The following TXLNB variants were observed in gnomAD, a reference collection of about 807,000 sequenced individuals.
TXLNB encodes the protein beta-taxilin.
Under a neutral mutation model 57.4 loss-of-function variants are expected in TXLNB, and 37 were observed. The ratio of observed to expected loss-of-function variants is 0.64; its 90% CI spans 0.50 to 0.85. The LOEUF (loss-of-function observed/expected upper bound fraction) is 0.85. TXLNB is among the 40% of genes least tolerant of loss of function. TXLNB has a pLI of 0.00. For synonymous variants in TXLNB, 302 were observed against 309.6 expected (o/e 0.98, Z 0.26); for missense variants, 848 against 825.6 (o/e 1.03, Z -0.33).
the TXLNB span, among the ~76,000 whole-genome samples, chr6:139,321,870 G>A: frequency 1.3e-5 from 2 of 151,938 alleles, no homozygotes; most frequent in South Asian, 4.2e-4. Context: ...CTGACCTCGT[G>A]ATCCGCCTGC....
chr6:139,261,251 A>G (rs934118053), intron 5 of TXLNB, among the ~76,000 whole-genome samples: 2 of 152,214 alleles, frequency 1.3e-5, no homozygotes, highest in South Asian at 4.1e-4. Context: ...TCTGAAGAAT[A>G]TGGACATTTT....
chr6:139,159,611 C>T, the TXLNB span, among the ~76,000 whole-genome samples: 1 of 152,160 alleles, frequency 6.6e-6, no homozygotes, highest in African/African-American at 2.4e-5. Flanking sequence ...GCTGCCTCCC[C>T]AGCAGCTGGG....
the TXLNB span, among the ~76,000 whole-genome samples, chr6:139,164,318 G>T: frequency 1.3e-5 from 2 of 152,048 alleles, no homozygotes; most frequent in African/African-American, 4.8e-5. Context: ...GTTCCCAATT[G>T]GGAGAGTAGT....
At chr6:139,228,914 C>T in the TXLNB span, among the ~76,000 whole-genome samples, 1 of 152,324 alleles carries the variant, frequency 6.6e-6, no homozygotes, top group African/African-American at 2.4e-5. Context: ...GGAGCTGCCA[C>T]TGTCTTTGAA....
chr6:139,231,152 C>A, the TXLNB span, among the ~76,000 whole-genome samples: 1 of 152,214 alleles, frequency 6.6e-6, no homozygotes, highest in Admixed American at 6.5e-5. Flanking sequence ...AATAACCACA[C>A]ACACATTTCA....
chr6:139,167,075 C>A, the TXLNB span: 4 of 1,614,236 alleles, frequency 2.5e-6, no homozygotes, highest in Non-Finnish European at 3.4e-6. Flanking sequence ...ACTCCTCACT[C>A]ACATCCCCAG....
the TXLNB span, chr6:139,166,665 C>T: frequency 1.2e-6 from 2 of 1,613,746 alleles, no homozygotes; most frequent in African/African-American, 2.7e-5. Context: ...CCTGGTGAGG[C>T]GGCGGAGGAG....
the TXLNB span, among the ~76,000 whole-genome samples, chr6:139,218,528 G>A: frequency 6.6e-6 from 1 of 152,110 alleles, no homozygotes; most frequent in Non-Finnish European, 1.5e-5. Flanking sequence ...CAAGGTGGGT[G>A]GATCATCTGA....
chr6:139,298,691 G>A, the TXLNB span, among the ~76,000 whole-genome samples: 1 of 152,334 alleles, frequency 6.6e-6, no homozygotes, highest in East Asian at 1.9e-4. Flanking sequence ...GCAAGAGGAT[G>A]TGAAGGTCAA....
chr6:139,168,080 C>T, the TXLNB span, among the ~76,000 whole-genome samples: 16 of 152,280 alleles, frequency 1.1e-4, no homozygotes, highest in Non-Finnish European at 1.5e-5. Context: ...TGTCTCCTTC[C>T]CACCAACCCT....
In TXLNB at chr6:139,242,694, A is replaced by C; in HGVS notation, c.1887T>G (p.Asp629Glu). Residue 629 changes from aspartate to glutamate, a missense_variant, in exon 10 of 10, where the codon GAT becomes GAG. Physicochemically the swap from Asp to Glu is conservative, Grantham distance 45 (BLOSUM62 2). Coordinates refer to ENST00000358430, the MANE Select transcript of TXLNB (RefSeq NM_153235.4). Reference sequence around the variant, plus strand: ...CTGCTGCGCATGCTGGAGCAGGCACATCTGCCTCCATCTTCTGTAGGGAGG... The same window carrying C: ...CTGCTGCGCATGCTGGAGCAGGCACCTCTGCCTCCATCTTCTGTAGGGAGG... The part of the protein sequence containing the change: ...TEASLQKMEA[D>E]VPAPACAAEE... 6.2e-7 allele frequency: 1 copy of C among 1,610,816 alleles called. No homozygotes were observed. The highest frequency in any genetic ancestry group is 1.1e-5 in the South Asian group (1 of 90,950).
At chr6:139,251,442 TC>T (rs1411903692) in intron 7 of TXLNB, 2 of 152,230 alleles carry the variant, frequency 1.3e-5, no homozygotes, top group Non-Finnish European at 2.9e-5. Flanking sequence ...TCTAACACTC[TC>T]CTACTTACTA....
At position 139,241,527 on chromosome 6, in the gene TXLNB, T is replaced by A. The variant is rs1433611230; in HGVS notation, c.*999A>T. 6.6e-6 allele frequency: 1 copy of A among 152,192 alleles called. No homozygotes were observed. The highest frequency in any genetic ancestry group is 1.5e-5 in the Non-Finnish European group (1 of 68,040). The allele number at this position is 152,192 out of a possible 1,614,324, so 9.4% of individuals were successfully genotyped here. On this transcript the variant is annotated 3_prime_UTR_variant, in exon 10 of 10. Coordinates refer to ENST00000358430, the MANE Select transcript of TXLNB (RefSeq NM_153235.4). ...AGTGTGAGGTCCCTTAACCCCTCAA[T>A]CCCTAGCTCCCCTTTCCCACTTCCA...
At chr6:139,299,092 C>T in the TXLNB span, among the ~76,000 whole-genome samples, 2 of 152,214 alleles carry the variant, frequency 1.3e-5, no homozygotes, top group Admixed American at 1.3e-4. Context: ...ACAACCCAGC[C>T]TCAGGTGTCC....
the TXLNB span, among the ~76,000 whole-genome samples, chr6:139,305,399 C>G: frequency 6.6e-6 from 1 of 151,972 alleles, no homozygotes. Flanking sequence ...AGAAAGGCAC[C>G]AGAAAAATCG....
the TXLNB span, among the ~76,000 whole-genome samples, chr6:139,320,451 C>T: frequency 6.6e-6 from 1 of 152,192 alleles, no homozygotes; most frequent in African/African-American, 2.4e-5. Context: ...CAACTGTTGC[C>T]AGTGAACTCA....
At chr6:139,257,205 G>C (rs1169407187) in intron 6 of TXLNB, among the ~76,000 whole-genome samples, 2 of 152,156 alleles carry the variant, frequency 1.3e-5, no homozygotes. Context: ...TTGTGTGTGT[G>C]TGTGTTTAGC....
the TXLNB span, among the ~76,000 whole-genome samples, chr6:139,193,841 T>TATATA: frequency 9.3e-4 from 24 of 25,742 alleles, no homozygotes; most frequent in African/African-American, 3.2e-3. Context: ...TATATATATA[T>TATATA]TTTTTTTTTT....
At chr6:139,231,152 C>T in the TXLNB span, among the ~76,000 whole-genome samples, 1 of 152,214 alleles carries the variant, frequency 6.6e-6, no homozygotes, top group Non-Finnish European at 1.5e-5. Flanking sequence ...AATAACCACA[C>T]ACACATTTCA....
Sources: allele counts gnomAD v4.1 joint callset (sites outside exome capture counted in the v4.1 genomes callset), GRCh38; gene constraint gnomAD v4.1.1; transcripts MANE v1.5; gene names NCBI Gene and HGNC (gene_info 2026-07-23, HGNC 2026-07-21).